ST8SIA4: variants seen among roughly 807,000 people sequenced by gnomAD.
The protein encoded by ST8SIA4 is CMP-N-acetylneuraminate-poly-alpha-2,8-sialyltransferase.
In ST8SIA4, 15 loss-of-function variants were observed where a neutral mutation model predicts 33.9. That is an observed-to-expected ratio of 0.44 (90% CI 0.30 to 0.68). The LOEUF is 0.68. ST8SIA4 is among the 30% of genes least tolerant of loss of function. The pLI is 0.10. For missense variants in ST8SIA4, 321 were observed against 428.0 expected, an observed-to-expected ratio of 0.75 and a Z score of 2.21; for synonymous variants, 171 against 151.2, an observed-to-expected ratio of 1.13 and a Z score of -0.96.
At chr5:100,875,884 A>G (rs1752293405) in intron 3 of ST8SIA4, among the ~76,000 whole-genome samples, 1 of 152,138 alleles carries the variant, frequency 6.6e-6, no homozygotes, top group Non-Finnish European at 1.5e-5. Flanking sequence ...AACTAGTTCT[A>G]GAGGTTCCCA....
At chr5:100,816,168 G>A (rs554403472) in intron 4 of ST8SIA4, among the ~76,000 whole-genome samples, 5 of 152,180 alleles carry the variant, frequency 3.3e-5, no homozygotes, top group South Asian at 4.1e-4. Context: ...CTTATTCCTT[G>A]TCTCCTTCCT....
At position 100,808,033 on chromosome 5, in the gene ST8SIA4, C is replaced by T. The variant is rs1446356777; in HGVS notation, c.*3814G>A. 1 of 152,490 alleles carries T rather than the reference C, an allele frequency of 6.6e-6. No homozygotes were observed. Among genetic ancestry groups the T allele is most frequent in the East Asian group, 1.9e-4 (1 of 5,202 alleles). The allele number at this position is 152,490 out of a possible 1,614,324, so 9.4% of individuals were successfully genotyped here. ...TCAAACTTGTAGAGATAACAACTAA[C>T]TATACACAACTCTTCCCATACCCCT... On this transcript the variant is annotated 3_prime_UTR_variant, in exon 5 of 5. Coordinates refer to ENST00000231461, the MANE Select transcript of ST8SIA4 (RefSeq NM_005668.6).
intron 3 of ST8SIA4, among the ~76,000 whole-genome samples, chr5:100,883,047 C>CAT (rs952052746): frequency 7.9e-5 from 12 of 152,198 alleles, no homozygotes; most frequent in African/African-American, 2.9e-4. Context: ...AGAGGGCCAC[C>CAT]ATCCTTCAGA....
chr5:100,818,007 T>C (rs1750965152), intron 4 of ST8SIA4, among the ~76,000 whole-genome samples: 1 of 152,188 alleles, frequency 6.6e-6, no homozygotes, highest in South Asian at 2.1e-4. Flanking sequence ...TGTGGTGCTT[T>C]TTCATTTAAT....
intron 3 of ST8SIA4, among the ~76,000 whole-genome samples, chr5:100,860,928 TAAAC>T (rs1663128273): frequency 1.3e-5 from 2 of 152,154 alleles, no homozygotes; most frequent in Admixed American, 6.6e-5. Flanking sequence ...GAGCAGTTAT[TAAAC>T]AAAAGGTTTT....
chr5:100,879,697 G>A (rs1752376334), intron 3 of ST8SIA4, among the ~76,000 whole-genome samples: 1 of 152,170 alleles, frequency 6.6e-6, no homozygotes, highest in South Asian at 2.1e-4. Flanking sequence ...ACTATATACT[G>A]TAAGTTTAAA....
rs185609460 is a variant in ST8SIA4 at position 100,873,758 on chromosome 5, G to A, written c.503+12585C>T. Among the ~76,000 whole-genome samples, 191 of 152,204 alleles carry A rather than the reference G, an allele frequency of 1.3e-3. 1 individual carries two copies. The highest frequency in any genetic ancestry group is 4.4e-3 in the African/African-American group (183 of 41,538). ...AACAAAGGTGGGGAAGAGGAGACTA[G>A]GAGCGATGGAATGAGACTTTGCTCT... On this transcript the variant is annotated intron_variant, in intron 3 of 4. Coordinates refer to ENST00000231461, the MANE Select transcript of ST8SIA4 (RefSeq NM_005668.6).
At chr5:100,826,280 T>C (rs1444414775) in intron 4 of ST8SIA4, among the ~76,000 whole-genome samples, 4 of 152,204 alleles carry the variant, frequency 2.6e-5, no homozygotes, top group Non-Finnish European at 5.9e-5. Flanking sequence ...TGACTACATA[T>C]GCCAATGTGG....
intron 3 of ST8SIA4, among the ~76,000 whole-genome samples, chr5:100,874,921 ATG>A (rs1185692305): frequency 6.6e-6 from 1 of 152,094 alleles, no homozygotes; most frequent in Non-Finnish European, 1.5e-5. Context: ...ATCTATCTCT[ATG>A]TTTACATGAT....
chr5:100,896,494 G>A (rs1580489023), intron 1 of ST8SIA4, among the ~76,000 whole-genome samples: 1 of 152,056 alleles, frequency 6.6e-6, no homozygotes, highest in Non-Finnish European at 1.5e-5. Context: ...ACACTTAGAC[G>A]GGAGGAATAA....
chr5:100,810,929 G>A lies in ST8SIA4; in HGVS notation c.*918C>T. On this transcript the variant is annotated 3_prime_UTR_variant, in exon 5 of 5. Coordinates refer to ENST00000231461, the MANE Select transcript of ST8SIA4 (RefSeq NM_005668.6). ...ACGGTGGCTCACGCCTGTAATCCCA[G>A]CACTTTGGGAGGCCAAGGCGGGTGG... The A allele has an allele frequency of 2.0e-5, 3 of 152,334 alleles. No individual in the cohort carries two copies. Among genetic ancestry groups the A allele is most frequent in the Non-Finnish European group, 4.4e-5 (3 of 68,096 alleles). 9.4% of individuals were successfully genotyped at this position (152,334 alleles called of 1,614,324 possible).
At chr5:100,813,335 G>A (rs187531688) in intron 4 of ST8SIA4, among the ~76,000 whole-genome samples, 9 of 152,034 alleles carry the variant, frequency 5.9e-5, no homozygotes, top group Non-Finnish European at 1.2e-4. Flanking sequence ...TCTATATTTT[G>A]TCTTTCATTT....
chr5:100,885,839 A>T (rs1752525168), intron 3 of ST8SIA4: 1 of 873,376 alleles, frequency 1.1e-6, no homozygotes, highest in Admixed American at 6.2e-5. Flanking sequence ...CACAAATACC[A>T]CATATAAAGA....
At chr5:100,888,152 C>G (rs1752581572) in intron 2 of ST8SIA4, among the ~76,000 whole-genome samples, 1 of 150,860 alleles carries the variant, frequency 6.6e-6, no homozygotes, top group South Asian at 2.1e-4. Flanking sequence ...TTATTTACAC[C>G]TGGAACTAAC....
At chr5:100,816,113 T>C (rs1303251868) in intron 4 of ST8SIA4, among the ~76,000 whole-genome samples, 1 of 152,192 alleles carries the variant, frequency 6.6e-6, no homozygotes, top group African/African-American at 2.4e-5. Flanking sequence ...TAAAATTCAA[T>C]TGCAGTTTCA....
At chr5:100,852,194 C>T (rs1416089145) in intron 4 of ST8SIA4, among the ~76,000 whole-genome samples, 2 of 137,716 alleles carry the variant, frequency 1.5e-5, no homozygotes, top group African/African-American at 5.5e-5. Flanking sequence ...GAGCTCGGCT[C>T]ACTGCAACCT....
chr5:100,823,118 G>A (rs1751067182), intron 4 of ST8SIA4, among the ~76,000 whole-genome samples: 2 of 151,662 alleles, frequency 1.3e-5, no homozygotes, highest in African/African-American at 4.9e-5. Context: ...GAGACAGAGT[G>A]AGACTCCGTC....
At chr5:100,877,422 C>T (rs772883840) in intron 3 of ST8SIA4, among the ~76,000 whole-genome samples, 15 of 152,064 alleles carry the variant, frequency 9.9e-5, no homozygotes, top group African/African-American at 3.1e-4. Context: ...CAAAGGGCTA[C>T]GCATACACTT....
In ST8SIA4 at chr5:100,847,027, A is replaced by G. The variant is rs115425650; in HGVS notation, c.797+9076T>C. Among the ~76,000 whole-genome samples the G allele has an allele frequency of 9.0e-3, 1,377 of 152,256 alleles. 18 individuals carry two copies. Among genetic ancestry groups the G allele is most frequent in the African/African-American group, 0.031 (1,306 of 41,572 alleles). ...GTGTGCATATCAGAGTCTGCCAGTA[A>G]GGAAAGAAATATCCTTTCATGGAAA... is the stretch of plus-strand genomic sequence containing the variant. On this transcript the variant is annotated intron_variant, in intron 4 of 4. Coordinates refer to ENST00000231461, the MANE Select transcript of ST8SIA4 (RefSeq NM_005668.6).
Sources: gnomAD v4.1 joint callset for allele counts (sites outside exome capture counted in the v4.1 genomes callset) on GRCh38, gnomAD v4.1.1 for gene constraint, MANE v1.5 for transcripts, NCBI Gene and HGNC (gene_info 2026-07-23, HGNC 2026-07-21) for gene names.